SH3BP2: variants seen among roughly 807,000 people sequenced by gnomAD.
The protein encoded by SH3BP2 is SH3 domain-binding protein 2.
SH3BP2 carries 38 observed loss-of-function variants against 56.2 expected under a neutral mutation model. The observed-to-expected ratio is 0.68, with a 90% CI of 0.52 to 0.89. The LOEUF (loss-of-function observed/expected upper bound fraction) is 0.89, where lower values mean the gene tolerates loss of function less well. Among genes scored for constraint, SH3BP2 ranks in the 40% least tolerant of loss-of-function variants. The pLI is 0.00. For missense variants in SH3BP2, 748 were observed against 762.6 expected (o/e 0.98, Z 0.23); for synonymous variants, 346 against 316.7 (o/e 1.09, Z -0.98).
chr4:2,815,367 G>T (rs997097146), intron 1 of SH3BP2, among the ~76,000 whole-genome samples: 3 of 152,204 alleles, frequency 2.0e-5, no homozygotes, highest in Non-Finnish European at 4.4e-5. Context: ...GGGAGGTGAG[G>T]GTGCCACATG....
In SH3BP2 at chr4:2,824,580, A is replaced by T; in HGVS notation, c.240-33A>T. 1.9e-6 allele frequency: 3 copies of T among 1,539,972 alleles called. No homozygotes were observed. In the East Asian group the frequency reaches 6.7e-5, roughly 35 times the overall value. ...GGGAAGGCCATCCCTATAGCTGTGA[A>T]CCAGGCCGTGACCCCTGGCGCTGTG... On this transcript the variant is annotated intron_variant, in intron 3 of 12. Transcript: ENST00000503393.
chr4:2,800,432 C>T (rs966600379), intron 1 of SH3BP2, among the ~76,000 whole-genome samples: 1 of 152,168 alleles, frequency 6.6e-6, no homozygotes, highest in Admixed American at 6.5e-5. Context: ...CCCGTGGCTG[C>T]TTCCCAGCCA....
In SH3BP2 at chr4:2,839,188, C is replaced by G. The variant is rs78947260; in HGVS notation, c.*5354C>G. 2 of 98,642 alleles carry G rather than the reference C, an allele frequency of 2.0e-5. No individual in the cohort carries two copies. The highest frequency in any genetic ancestry group is 7.8e-5 in the African/African-American group (2 of 25,530). 6.1% of individuals were successfully genotyped at this position (98,642 alleles called of 1,614,324 possible). A position where few individuals can be genotyped will look rare whatever the true frequency, so the allele number is the denominator to read the frequency against. On this transcript the variant is annotated 3_prime_UTR_variant, in exon 13 of 13. Coordinates refer to ENST00000503393, the MANE Select transcript of SH3BP2 (RefSeq NM_001122681.2). ...CTTTTTCTTTTCTTTTTTTTTTTTT[C>G]TGAGACAGGGTCTCACTCTGTTGCC...
Position 2,796,465 on chromosome 4 carries a change from C to T in SH3BP2, c.-5+3327C>T, listed in dbSNP as rs531778940. On this transcript the variant is annotated intron_variant, in intron 1 of 12. Coordinates refer to ENST00000503393, the MANE Select transcript of SH3BP2 (RefSeq NM_001122681.2). ...ATCGTGCTGGAACTGCTGGCCCCAA[C>T]GCCCTGAGGTGACTGGCCCTTTCTT... is the stretch of plus-strand genomic sequence containing the variant. 6.8e-4 allele frequency: 673 copies of T among 985,396 alleles called. 2 individuals are homozygous for T. Among genetic ancestry groups the T allele is most frequent in the Middle Eastern group, 2.1e-3 (4 of 1,916 alleles). The allele number at this position is 985,396 out of a possible 1,614,324, so 61.0% of individuals were successfully genotyped here.
At chr4:2,828,989 C>T (rs1034128477) in intron 7 of SH3BP2, among the ~76,000 whole-genome samples, 4 of 152,168 alleles carry the variant, frequency 2.6e-5, no homozygotes, top group East Asian at 1.9e-4. Context: ...GCAGGCTGCC[C>T]GCTCCGAGTC....
intron 1 of SH3BP2, among the ~76,000 whole-genome samples, chr4:2,802,865 G>T (rs983082091): frequency 6.6e-6 from 1 of 152,166 alleles, no homozygotes; most frequent in Admixed American, 6.6e-5. Context: ...TGTGGCACCC[G>T]CTGACAGATG....
In SH3BP2 at chr4:2,831,271, G is replaced by A. The variant is rs534840596; in HGVS notation, c.1242-300G>A. Among the ~76,000 whole-genome samples, 7 of 152,290 alleles carry A rather than the reference G, an allele frequency of 4.6e-5. No homozygotes were observed. The highest frequency in any genetic ancestry group is 1.7e-4 in the African/African-American group (7 of 41,552). ...CCATGACCGGACCTCCCCTCCCCAC[G>A]AGCATCCAGAGCACTTGTTGACGGT... On this transcript the variant is annotated intron_variant, in intron 8 of 12. Coordinates refer to ENST00000503393, the MANE Select transcript of SH3BP2 (RefSeq NM_001122681.2). This position sits in a 1 kb window ranked among gnomAD's most constrained non-coding sequence, Gnocchi z 4.1.
intron 1 of SH3BP2, among the ~76,000 whole-genome samples, chr4:2,794,441 C>T (rs2108692001): frequency 6.6e-6 from 1 of 152,106 alleles, no homozygotes; most frequent in South Asian, 2.1e-4. Context: ...CAGGGCCCCA[C>T]TCCAGGCACT....
intron 1 of SH3BP2, chr4:2,809,927 G>A (rs574356976): frequency 1.8e-6 from 1 of 570,600 alleles, no homozygotes; most frequent in Non-Finnish European, 2.2e-6. Context: ...TGGGAAGGAT[G>A]GAGAGGGACA....
At chr4:2,825,016 T>C (rs1483055993) in intron 4 of SH3BP2, 110 bp from the exon 5 acceptor site, 7 of 1,061,584 alleles carry the variant, frequency 6.6e-6, no homozygotes, top group Non-Finnish European at 1.0e-5. Context: ...CCGGGTCGCC[T>C]CCTCTGACCT....
chr4:2,831,812 C>T lies in SH3BP2; in HGVS notation c.1351-111C>T. 1 of 1,387,382 alleles carries T rather than the reference C, an allele frequency of 7.2e-7. No individual in the cohort carries two copies. Among genetic ancestry groups the T allele is most frequent in the Non-Finnish European group, 1.0e-6 (1 of 993,096 alleles). 85.9% of individuals were successfully genotyped at this position (1,387,382 alleles called of 1,614,324 possible). ...CCGAGAACCCGGGAGCCTAGGGGGA[C>T]ACAGCACCATGTAAAGCCCCGGATC... On this transcript the variant is annotated intron_variant, in intron 9 of 12. Coordinates refer to ENST00000503393, the MANE Select transcript of SH3BP2 (RefSeq NM_001122681.2). This position sits in a 1 kb window ranked among gnomAD's most constrained non-coding sequence, Gnocchi z 4.1.
At chr4:2,793,561 C>T (rs946607984) in intron 1 of SH3BP2, among the ~76,000 whole-genome samples, 9 of 151,304 alleles carry the variant, frequency 5.9e-5, no homozygotes. Context: ...GGAGGCGGTG[C>T]GACGCGTCTG....
intron 1 of SH3BP2, among the ~76,000 whole-genome samples, chr4:2,813,659 C>T (rs986659081): frequency 1.3e-5 from 2 of 151,994 alleles, no homozygotes; most frequent in African/African-American, 4.8e-5. Flanking sequence ...TCTTGTTGGT[C>T]GTTGGAGGCT....
At chr4:2,822,873 C>T in intron 2 of SH3BP2, 62 bp from the exon 3 acceptor site, 1 of 1,318,172 alleles carries the variant, frequency 7.6e-7, no homozygotes. Context: ...GGAGGGTCCT[C>T]ACAGTGGGTC....
chr4:2,808,299 ATCT>A (rs945929750), intron 1 of SH3BP2, among the ~76,000 whole-genome samples: 7 of 152,126 alleles, frequency 4.6e-5, no homozygotes, highest in African/African-American at 1.2e-4. Context: ...CTTTCCAGGC[ATCT>A]TCTCCTACTC....
chr4:2,820,905 A>G, intron 2 of SH3BP2, 152 bp downstream of exon 2: 1 of 952,142 alleles, frequency 1.1e-6, no homozygotes, highest in Non-Finnish European at 1.5e-6. Context: ...CCCCTGGAGA[A>G]GCAGAGGTTG....
chr4:2,832,138 G>A, intron 10 of SH3BP2, 160 bp downstream of exon 10: 2 of 970,642 alleles, frequency 2.1e-6, no homozygotes, highest in Non-Finnish European at 1.6e-6. Context: ...TCTGTCCCAT[G>A]CCCAGCTGGC....
intron 2 of SH3BP2, 43 bp from the exon 3 acceptor site, chr4:2,822,892 T>C (rs1222997496): frequency 1.3e-6 from 2 of 1,506,218 alleles, no homozygotes; most frequent in Non-Finnish European, 1.8e-6. Flanking sequence ...TCTTGGCAGC[T>C]GCCCCTCCAG....
At position 2,838,249 on chromosome 4, in the gene SH3BP2, C is replaced by T. The variant is rs1263841879; in HGVS notation, c.*4415C>T. The T allele has an allele frequency of 6.6e-6, 1 of 152,272 alleles. No homozygotes were observed. Among genetic ancestry groups the T allele is most frequent in the African/African-American group, 2.4e-5 (1 of 41,454 alleles). 9.4% of individuals were successfully genotyped at this position (152,272 alleles called of 1,614,324 possible). ...GTTTTGCCAGCACCCAAGTGCCCTC[C>T]CCTCACAGTGTCACTTCCGGCCTCT... On this transcript the variant is annotated 3_prime_UTR_variant, in exon 13 of 13. Transcript: ENST00000503393.
Sources: gnomAD v4.1 joint callset for allele counts (sites outside exome capture counted in the v4.1 genomes callset) on GRCh38, gnomAD v4.1.1 for gene constraint, Gnocchi (gnomAD v3.1) non-coding constraint, MANE v1.5 for transcripts, NCBI Gene and HGNC (gene_info 2026-07-23, HGNC 2026-07-21) for gene names.